The following RFTN1 variants were observed in gnomAD, a reference collection of about 807,000 sequenced individuals.
RFTN1 encodes raftlin.
Under a neutral mutation model 46.5 loss-of-function variants are expected in RFTN1, and 26 were observed. The ratio of observed to expected loss-of-function variants is 0.56; its 90% CI spans 0.41 to 0.78. The LOEUF is 0.78. RFTN1 is among the 30% of genes least tolerant of loss of function. The pLI, the probability that RFTN1 is intolerant of heterozygous loss-of-function variation, is 0.00. For missense variants in RFTN1, 693 were observed against 718.7 expected, an observed-to-expected ratio of 0.96 and a Z score of 0.41; for synonymous variants, 261 against 284.2, an observed-to-expected ratio of 0.92 and a Z score of 0.82.
intron 2 of RFTN1, among the ~76,000 whole-genome samples, chr3:16,491,586 G>C (rs1375233832): frequency 1.3e-5 from 2 of 152,176 alleles, no homozygotes; most frequent in Admixed American, 1.3e-4. Context: ...TGCAGCTGAA[G>C]CTCAGGGAAA....
At chr3:16,390,025 A>T (rs770372015) in intron 4 of RFTN1, among the ~76,000 whole-genome samples, 2 of 152,214 alleles carry the variant, frequency 1.3e-5, no homozygotes, top group African/African-American at 2.4e-5. Context: ...CAGCCATATG[A>T]GTGTGCCATC....
intron 4 of RFTN1, among the ~76,000 whole-genome samples, chr3:16,406,391 G>T (rs1005673171): frequency 1.3e-5 from 2 of 152,148 alleles, no homozygotes; most frequent in African/African-American, 4.8e-5. Context: ...CAGACAATGC[G>T]GGGGCAAACG....
At position 16,317,134 on chromosome 3, in the gene RFTN1, A is replaced by C; in HGVS notation, c.1431T>G (p.Asn477Lys). 1 of 1,612,360 alleles carries C rather than the reference A, an allele frequency of 6.2e-7. No individual in the cohort carries two copies. Among genetic ancestry groups the C allele is most frequent in the Non-Finnish European group, 8.5e-7 (1 of 1,179,708 alleles). Residue 477 changes from asparagine to lysine, a missense_variant, in exon 10 of 10, where the codon AAT becomes AAG. Coordinates refer to ENST00000334133, the MANE Select transcript of RFTN1 (RefSeq NM_015150.2). The surrounding 1 kb of genome is among the most constrained non-coding windows in gnomAD (Gnocchi z 4.3). ...AAGACTGGTCTTCTAAGTTCTTCTC[A>C]TTTTCTTCTGCTTGTTGTTTGTCTC... is the stretch of plus-strand genomic sequence containing the variant. ...SARDKQQAEE[N>K]EKNLEDQSSK... is the part of the protein sequence containing the mutation.
Position 16,394,737 on chromosome 3 carries a change from A to AT in RFTN1, c.441+14637dup, listed in dbSNP as rs11321520. Reference sequence around the variant, plus strand: ...TTTTCAATAAAAAGAGGTGTTTTCTATTTTTTTTTAAGAGCAATGTGAAGT... The same window carrying AT: ...TTTTCAATAAAAAGAGGTGTTTTCTATTTTTTTTTTAAGAGCAATGTGAAGT... On this transcript the variant is annotated intron_variant, in intron 4 of 9. Transcript: ENST00000334133. Among the ~76,000 whole-genome samples, 48 of 151,550 alleles carry AT rather than the reference A, an allele frequency of 3.2e-4. 1 individual carries two copies. Among genetic ancestry groups the AT allele is most frequent in the Admixed American group, 1.6e-3 (25 of 15,246 alleles).
chr3:16,457,497 A>G lies in RFTN1; in HGVS notation c.146-23460T>C, dbSNP rs1221126737. Among the ~76,000 whole-genome samples the G allele has an allele frequency of 2.0e-5, 3 of 152,380 alleles. No individual in the cohort carries two copies. The highest frequency in any genetic ancestry group is 2.9e-5 in the Non-Finnish European group (2 of 68,034). On this transcript the variant is annotated intron_variant, in intron 2 of 9. Transcript: ENST00000334133. This position sits in a 1 kb window ranked among gnomAD's most constrained non-coding sequence, Gnocchi z 4.2. The stretch of plus-strand genomic sequence containing the variant: ...ATCATTATACCTTCTTTTACGATAT[A>G]CAAGGCATCCCAAAAGTCTCAATAC...
chr3:16,425,448 C>T lies in RFTN1; in HGVS notation c.332+8403G>A, dbSNP rs1427364004. On this transcript the variant is annotated intron_variant, in intron 3 of 9. Transcript: ENST00000334133. This position sits in a 1 kb window ranked among gnomAD's most constrained non-coding sequence, Gnocchi z 4.3. ...GGAGAGGGTGGAAATCACTAGTGTG[C>T]TAATTCTCTCTCTCAGAAGAAACAA... Among the ~76,000 whole-genome samples, 1 of 151,970 alleles carries T rather than the reference C, an allele frequency of 6.6e-6. No homozygotes were observed. Among genetic ancestry groups the T allele is most frequent in the Non-Finnish European group, 1.5e-5 (1 of 68,026 alleles).
chr3:16,472,642 A>C (rs2076217903), intron 2 of RFTN1: 1 of 152,258 alleles, frequency 6.6e-6, no homozygotes. Context: ...CGGCCTGATT[A>C]ATATGCGGAA....
chr3:16,454,747 T>TCC, intron 2 of RFTN1: 2 of 985,102 alleles, frequency 2.0e-6, no homozygotes, highest in Non-Finnish European at 2.4e-6. Flanking sequence ...AAGGCCTCCC[T>TCC]CCTTGTGTCA....
intron 8 of RFTN1, among the ~76,000 whole-genome samples, chr3:16,325,811 C>T (rs997803028): frequency 6.6e-6 from 1 of 152,220 alleles, no homozygotes; most frequent in African/African-American, 2.4e-5. Flanking sequence ...CATGATTCTG[C>T]ACTCTCAATC....
rs2075598930 is a variant in RFTN1 at position 16,440,406 on chromosome 3, T to G, written c.146-6369A>C. Among the ~76,000 whole-genome samples, 1 of 152,182 alleles carries G rather than the reference T, an allele frequency of 6.6e-6. No individual in the cohort carries two copies. Among genetic ancestry groups the G allele is most frequent in the Admixed American group, 6.5e-5 (1 of 15,276 alleles). ...TTTTAGTAGAGTCAGGGTTTCACTATGTTGGCCAGGCTGGTCTTGAACTCC... is the reference window on the plus strand; with the variant it reads ...TTTTAGTAGAGTCAGGGTTTCACTAGGTTGGCCAGGCTGGTCTTGAACTCC... On this transcript the variant is annotated intron_variant, in intron 2 of 9. Coordinates refer to ENST00000334133, the MANE Select transcript of RFTN1 (RefSeq NM_015150.2). The surrounding 1 kb of genome is among the most constrained non-coding windows in gnomAD (Gnocchi z 4.6).
chr3:16,414,944 T>C (rs963539186), intron 3 of RFTN1, among the ~76,000 whole-genome samples: 1 of 152,144 alleles, frequency 6.6e-6, no homozygotes, highest in Non-Finnish European at 1.5e-5. Context: ...CAGGCCACAG[T>C]GAAGACAATG....
chr3:16,318,511 A>G (rs980645834), intron 9 of RFTN1, among the ~76,000 whole-genome samples: 6 of 152,152 alleles, frequency 3.9e-5, no homozygotes, highest in Non-Finnish European at 8.8e-5. Context: ...TGCTATGTAA[A>G]TGTTTAAAAA....
chr3:16,373,636 TC>T (rs1381419600), intron 5 of RFTN1, among the ~76,000 whole-genome samples: 1 of 152,106 alleles, frequency 6.6e-6, no homozygotes, highest in African/African-American at 2.4e-5. Flanking sequence ...CCAGGAGACC[TC>T]TGGTCTGGAG....
chr3:16,484,484 C>T lies in RFTN1; in HGVS notation c.145+9241G>A, dbSNP rs1161022325. ...CAGCACAATGTCGAAGAAAACATCC[C>T]GAAAATCAGTTCTTAAAGTCCTCTT... On this transcript the variant is annotated intron_variant, in intron 2 of 9. Transcript: ENST00000334133. The surrounding 1 kb of genome is among the most constrained non-coding windows in gnomAD (Gnocchi z 4.6). Among the ~76,000 whole-genome samples, 4 of 152,100 alleles carry T rather than the reference C, an allele frequency of 2.6e-5. No individual in the cohort carries two copies. Among genetic ancestry groups the T allele is most frequent in the South Asian group, 2.1e-4 (1 of 4,824 alleles).
chr3:16,340,166 T>C (rs1025640644), intron 7 of RFTN1, among the ~76,000 whole-genome samples: 2 of 152,180 alleles, frequency 1.3e-5, no homozygotes, highest in African/African-American at 4.8e-5. Context: ...TTACAGAGGG[T>C]CCTATCAGGA....
In RFTN1 at chr3:16,472,508, G is replaced by C. The variant is rs1426360603; in HGVS notation, c.145+21217C>G. On this transcript the variant is annotated intron_variant, in intron 2 of 9. Transcript: ENST00000334133. ...ACCCCAAACAACCAAGCCAGGAAGA[G>C]GACAGAAAACCTGGAGGAGCCCAAA... The C allele has an allele frequency of 2.0e-5, 3 of 152,320 alleles. No homozygotes were observed. In the East Asian group the frequency reaches 5.8e-4, roughly 29 times the overall value. 9.4% of individuals were successfully genotyped at this position (152,320 alleles called of 1,614,324 possible). A position where few individuals can be genotyped will look rare whatever the true frequency, so the allele number is the denominator to read the frequency against.
chr3:16,365,816 A>G (rs2073131746), intron 6 of RFTN1, among the ~76,000 whole-genome samples: 2 of 141,344 alleles, frequency 1.4e-5, no homozygotes, highest in South Asian at 4.3e-4. Flanking sequence ...GACCAGATGA[A>G]ACCATCATGC....
chr3:16,404,599 A>G (rs2074805977), intron 4 of RFTN1, among the ~76,000 whole-genome samples: 1 of 150,594 alleles, frequency 6.6e-6, no homozygotes. Context: ...TGTCCAAGCT[A>G]CACTCAAGTC....
rs2072796026 is a variant in RFTN1 at position 16,361,093 on chromosome 3, T to C, written c.1031-3046A>G. ...CACAAATGACAAAGAATTTCCTTTT[T>C]CTCTCCTCTACAAGGCTCTTGAAGG... On this transcript the variant is annotated intron_variant, in intron 6 of 9. Transcript: ENST00000334133. The surrounding 1 kb of genome is among the most constrained non-coding windows in gnomAD (Gnocchi z 4.3). 6.6e-6 allele frequency among the ~76,000 whole-genome samples: 1 copy of C among 152,232 alleles called. No individual in the cohort carries two copies. Among genetic ancestry groups the C allele is most frequent in the Non-Finnish European group, 1.5e-5 (1 of 68,046 alleles).
Sources: allele counts gnomAD v4.1 joint callset (sites outside exome capture counted in the v4.1 genomes callset), GRCh38; gene constraint gnomAD v4.1.1; non-coding constraint Gnocchi (gnomAD v3.1); transcripts MANE v1.5; gene names NCBI Gene and HGNC (gene_info 2026-07-23, HGNC 2026-07-21).